TMTC2: variants seen among roughly 807,000 people sequenced by gnomAD.
TMTC2 encodes the protein transmembrane O-mannosyltransferase targeting cadherins 2.
TMTC2 carries 43 observed loss-of-function variants against 82.4 expected under a neutral mutation model. The ratio of observed to expected loss-of-function variants is 0.52; its 90% CI spans 0.41 to 0.67. TMTC2 has a LOEUF of 0.67. Among genes scored for constraint, TMTC2 ranks in the 30% least tolerant of loss-of-function variants. The pLI is 0.00. For missense variants in TMTC2, 919 were observed against 1,012.4 expected (o/e 0.91, Z 1.25); for synonymous variants, 408 against 381.9 (o/e 1.07, Z -0.80).
intron 3 of TMTC2, among the ~76,000 whole-genome samples, chr12:82,915,430 G>T (rs1289222972): frequency 1.3e-5 from 2 of 152,140 alleles, no homozygotes; most frequent in African/African-American, 4.8e-5. Flanking sequence ...AATCTAACTG[G>T]TAACAGGGCT....
At chr12:83,016,849 G>T (rs1215539403) in intron 8 of TMTC2, among the ~76,000 whole-genome samples, 1 of 152,164 alleles carries the variant, frequency 6.6e-6, no homozygotes, top group Admixed American at 6.6e-5. Context: ...TTCTTCTTTT[G>T]TAAAACCAGG....
intron 11 of TMTC2, among the ~76,000 whole-genome samples, chr12:83,065,633 T>C (rs1882892348): frequency 6.6e-6 from 1 of 151,938 alleles, no homozygotes; most frequent in Admixed American, 6.6e-5. Context: ...TTTTTAGTTT[T>C]AATTTTTTTT....
intron 1 of TMTC2, among the ~76,000 whole-genome samples, chr12:82,723,276 C>T (rs1874294723): frequency 6.6e-6 from 1 of 152,160 alleles, no homozygotes; most frequent in South Asian, 2.1e-4. Flanking sequence ...AGGGACTCTC[C>T]TAGTGGTTGG....
chr12:82,952,670 C>G (rs1446810811), intron 4 of TMTC2, among the ~76,000 whole-genome samples: 1 of 152,094 alleles, frequency 6.6e-6, no homozygotes, highest in Non-Finnish European at 1.5e-5. Flanking sequence ...CTCAGCCTCC[C>G]TAGTAGCTGG....
chr12:83,016,587 C>A (rs1393242771), intron 8 of TMTC2, among the ~76,000 whole-genome samples: 2 of 152,212 alleles, frequency 1.3e-5, no homozygotes, highest in African/African-American at 4.8e-5. Flanking sequence ...CTATCCAGTG[C>A]TGCACACAAT....
At chr12:83,119,676 T>A (rs181148480) in intron 11 of TMTC2, among the ~76,000 whole-genome samples, 1 of 152,308 alleles carries the variant, frequency 6.6e-6, no homozygotes, top group East Asian at 1.9e-4. Flanking sequence ...CAGGGTATAG[T>A]TTAAATCCAT....
At chr12:82,991,126 A>G (rs1022269042) in intron 8 of TMTC2, among the ~76,000 whole-genome samples, 3 of 152,182 alleles carry the variant, frequency 2.0e-5, no homozygotes, top group African/African-American at 4.8e-5. Context: ...CAAAGGTTTG[A>G]GGAACATCCT....
chr12:82,716,736 G>A (rs980508619), intron 1 of TMTC2, among the ~76,000 whole-genome samples: 3 of 152,090 alleles, frequency 2.0e-5, no homozygotes, highest in South Asian at 2.1e-4. Flanking sequence ...ATTTATCACC[G>A]AATCTAAGTA....
At chr12:82,904,565 TTGA>T (rs1413611726) in intron 3 of TMTC2, among the ~76,000 whole-genome samples, 7 of 152,202 alleles carry the variant, frequency 4.6e-5, no homozygotes, top group Non-Finnish European at 7.3e-5. Flanking sequence ...CTAGACATAG[TTGA>T]TTACTGTAGT....
intron 11 of TMTC2, among the ~76,000 whole-genome samples, chr12:83,070,404 T>G (rs1465201036): frequency 2.6e-5 from 4 of 152,082 alleles, no homozygotes. Flanking sequence ...CTTTTAACTC[T>G]TTGGTTAGAT....
intron 8 of TMTC2, among the ~76,000 whole-genome samples, chr12:82,995,129 A>AT (rs1879559036): frequency 6.6e-6 from 1 of 151,916 alleles, no homozygotes; most frequent in African/African-American, 2.4e-5. Flanking sequence ...TTGCTTGGTA[A>AT]TTTTTTTCTA....
Position 82,876,430 on chromosome 12 carries a change from T to C in TMTC2, c.654+18850T>C, listed in dbSNP as rs368167758. On this transcript the variant is annotated intron_variant, in intron 2 of 11. Transcript: ENST00000321196. Reference sequence around the variant, plus strand: ...AGTTTAATGATGTTAATATCTCTCTTCATGTCTCTCTAAAAATGGGCCGTG... The same window carrying C: ...AGTTTAATGATGTTAATATCTCTCTCCATGTCTCTCTAAAAATGGGCCGTG... Among the ~76,000 whole-genome samples, 37 of 152,296 alleles carry C rather than the reference T, an allele frequency of 2.4e-4. No homozygotes were observed. The South Asian group carries it at 6.9e-3, about 28-fold the overall frequency.
intron 1 of TMTC2, among the ~76,000 whole-genome samples, chr12:82,769,098 A>G (rs1592506484): frequency 6.6e-6 from 1 of 150,900 alleles, no homozygotes; most frequent in African/African-American, 2.4e-5. Context: ...TCACAAATCT[A>G]GTATGTCTCT....
chr12:83,090,918 G>A (rs559946399), intron 11 of TMTC2, among the ~76,000 whole-genome samples: 3 of 152,280 alleles, frequency 2.0e-5, no homozygotes, highest in Non-Finnish European at 2.9e-5. Flanking sequence ...TACTGTGACT[G>A]TCAATTTCAC....
intron 4 of TMTC2, among the ~76,000 whole-genome samples, chr12:82,955,585 G>C (rs1592654917): frequency 2.6e-5 from 4 of 151,870 alleles, no homozygotes; most frequent in South Asian, 4.2e-4. Flanking sequence ...GATGATCAGG[G>C]GAAAAAAAGA....
chr12:82,771,198 C>T (rs1028572105), intron 1 of TMTC2, among the ~76,000 whole-genome samples: 4 of 139,168 alleles, frequency 2.9e-5, no homozygotes, highest in African/African-American at 1.1e-4. Flanking sequence ...CAGAGCAAGA[C>T]TCTGTCTCAA....
intron 11 of TMTC2, among the ~76,000 whole-genome samples, chr12:83,112,132 T>G (rs377254035): frequency 6.6e-6 from 1 of 152,302 alleles, no homozygotes; most frequent in South Asian, 2.1e-4. Context: ...AGTGAGTTTC[T>G]TATTAAAATT....
At chr12:83,062,547 T>C (rs1389595477) in intron 11 of TMTC2, among the ~76,000 whole-genome samples, 2 of 151,810 alleles carry the variant, frequency 1.3e-5, no homozygotes, top group African/African-American at 4.8e-5. Context: ...ATCAAGACCA[T>C]CTATTGGGAA....
intron 1 of TMTC2, among the ~76,000 whole-genome samples, chr12:82,807,162 A>G (rs1225706491): frequency 6.6e-6 from 1 of 152,188 alleles, no homozygotes; most frequent in Non-Finnish European, 1.5e-5. Flanking sequence ...TATGAAACAT[A>G]TATAAGGAAG....
Sources: allele counts gnomAD v4.1 joint callset (sites outside exome capture counted in the v4.1 genomes callset), GRCh38; gene constraint gnomAD v4.1.1; transcripts MANE v1.5; gene names NCBI Gene and HGNC (gene_info 2026-07-23, HGNC 2026-07-21).